Variants in EP300 observed in about 807,000 individuals in gnomAD.
EP300 encodes the protein histone acetyltransferase p300.
In EP300, 31 loss-of-function variants were observed where a neutral mutation model predicts 264.0. That is an observed-to-expected ratio of 0.12 (90% CI 0.09 to 0.16). EP300 has a LOEUF of 0.16. Ranked by LOEUF, EP300 falls within the 10% of genes least tolerant of loss-of-function variation. The pLI, the probability that EP300 is intolerant of heterozygous loss-of-function variation, is 1.00. For missense variants in EP300, 2,766 were observed against 3,052.9 expected, an observed-to-expected ratio of 0.91 and a Z score of 2.21; for synonymous variants, 1,340 against 1,045.4, an observed-to-expected ratio of 1.28 and a Z score of -5.44.
chr22:41,138,847 T>G (rs2058966669), intron 8 of EP300, among the ~76,000 whole-genome samples: 1 of 152,220 alleles, frequency 6.6e-6, no homozygotes, highest in African/African-American at 2.4e-5. Context: ...TTAATTTATT[T>G]TTATGTTATG....
chr22:41,160,750 GC>G, intron 20 of EP300, 28 bp downstream of exon 20: 1 of 1,599,596 alleles, frequency 6.3e-7, no homozygotes, highest in Non-Finnish European at 8.6e-7. Context: ...TTTGAAAAGT[GC>G]TAATTAGTTT....
At chr22:41,171,747 G>C (rs2059172059) in intron 27 of EP300, among the ~76,000 whole-genome samples, 2 of 151,756 alleles carry the variant, frequency 1.3e-5, no homozygotes, top group African/African-American at 2.4e-5. Flanking sequence ...GAGTAGCTGG[G>C]ATTACAGGCA....
At chr22:41,169,284 C>CACTGCTAGTTACTACAAATAGAAGGAA in intron 25 of EP300, 1 of 591,368 alleles carries the variant, frequency 1.7e-6, no homozygotes, top group African/African-American at 1.9e-5. Context: ...ATGTGCCAGG[C>CACTGCTAGTTACTACAAATAGAAGGAA]ACTGCTAGTT....
chr22:41,133,520 A>AT (rs1370781435), intron 6 of EP300, among the ~76,000 whole-genome samples: 2 of 152,036 alleles, frequency 1.3e-5, no homozygotes, highest in Non-Finnish European at 2.9e-5. Context: ...AGTACTTTAG[A>AT]TTTTTTTCGG....
chr22:41,147,813 C>CT, intron 11 of EP300, 24 bp from the exon 12 acceptor site: 1 of 1,456,560 alleles, frequency 6.9e-7, no homozygotes, highest in African/African-American at 1.4e-5. Flanking sequence ...GCATTCAGAT[C>CT]TAACATTTTG....
At chr22:41,093,164 C>G in intron 1 of EP300, 66 bp downstream of exon 1, 2 of 1,506,208 alleles carry the variant, frequency 1.3e-6, no homozygotes, top group South Asian at 1.1e-5. Flanking sequence ...CGCCTTTATT[C>G]TTCCATTTTT....
intron 1 of EP300, among the ~76,000 whole-genome samples, chr22:41,109,802 C>T (rs965319610): frequency 3.3e-5 from 5 of 149,600 alleles, no homozygotes; most frequent in Non-Finnish European, 5.9e-5. Context: ...AGGCCATGCT[C>T]CCCCAAGCAC....
At chr22:41,128,409 C>G (rs896412265) in intron 4 of EP300, among the ~76,000 whole-genome samples, 1 of 151,242 alleles carries the variant, frequency 6.6e-6, no homozygotes, top group Non-Finnish European at 1.5e-5. Flanking sequence ...TGGTGTGATT[C>G]GACATCATAC....
At position 41,150,112 on chromosome 22, in the gene EP300, C is replaced by G. The variant is rs747583900; in HGVS notation, c.2731C>G (p.Gln911Glu). Residue 911 changes from glutamine to glutamate, a missense_variant, in exon 14 of 31, where the codon CAG (glutamine) becomes GAG (glutamate). Physicochemically the swap from Gln to Glu is conservative, Grantham distance 29. Transcript: ENST00000263253. ...LPAAPSADQPQQQPRSQQSTA... is the reference protein window; with the variant it reads ...LPAAPSADQPEQQPRSQQSTA... ...TGCTGCACCTTCTGCTGACCAGCCC[C>G]AGCAGCAGCCTCGCTCACAGCAGAG... is the stretch of plus-strand genomic sequence containing the variant. 2 of 1,613,326 alleles carry G rather than the reference C, an allele frequency of 1.2e-6. No homozygotes were observed. The highest frequency in any genetic ancestry group is 1.7e-6 in the Non-Finnish European group (2 of 1,180,018).
chr22:41,127,582 G>A lies in EP300; in HGVS notation c.1002G>A (p.Lys334=), dbSNP rs974057189. The A allele has an allele frequency of 1.4e-5, 23 of 1,614,238 alleles. No homozygotes were observed. Among genetic ancestry groups the A allele is most frequent in the Non-Finnish European group, 1.9e-5 (23 of 1,180,042 alleles). The change falls in exon 4 of 31, where the codon AAG becomes AAA. Residue 334 remains lysine (K), a synonymous_variant. Coordinates refer to ENST00000263253, the MANE Select transcript of EP300 (RefSeq NM_001429.4). ...GSGAHTADPE[K]RKLIQQQLVL... is the part of the protein sequence containing the mutation. Reference sequence around the variant, plus strand: ...GAGCACATACAGCTGATCCAGAGAAGCGCAAGCTCATCCAGCAGCAGCTTG... The same window carrying A: ...GAGCACATACAGCTGATCCAGAGAAACGCAAGCTCATCCAGCAGCAGCTTG...
chr22:41,155,642 G>A (rs1466557410), intron 17 of EP300, among the ~76,000 whole-genome samples: 2 of 152,048 alleles, frequency 1.3e-5, no homozygotes, highest in Admixed American at 1.3e-4. Context: ...TTCTCCCATA[G>A]CACCCCAATC....
intron 1 of EP300, among the ~76,000 whole-genome samples, chr22:41,103,058 C>T (rs1424563795): frequency 1.3e-5 from 2 of 152,150 alleles, no homozygotes; most frequent in East Asian, 3.9e-4. Context: ...CCATGTTGAT[C>T]AGGCTGGTCT....
chr22:41,125,375 C>G (rs975618440), intron 2 of EP300, among the ~76,000 whole-genome samples: 1 of 151,796 alleles, frequency 6.6e-6, no homozygotes, highest in African/African-American at 2.4e-5. Context: ...GCTTCGGCCT[C>G]CCAAAGTGCT....
chr22:41,118,076 A>G (rs2058831543), intron 2 of EP300, among the ~76,000 whole-genome samples: 2 of 152,168 alleles, frequency 1.3e-5, no homozygotes, highest in Admixed American at 1.3e-4. Context: ...GAATGTTTTT[A>G]TCTCATTTCC....
Position 41,138,150 on chromosome 22 carries a change from C to T in EP300, c.1760+360C>T, listed in dbSNP as rs190465517. On this transcript the variant is annotated intron_variant, in intron 8 of 30. Transcript: ENST00000263253. ...GCATTGATAACATCCTTTTCTGTTA[C>T]TCCTGGTAGAGCAGGGGTTTTTTGT... Among the ~76,000 whole-genome samples the T allele has an allele frequency of 3.2e-4, 48 of 152,286 alleles. No homozygotes were observed. The East Asian group carries it at 8.1e-3, about 26-fold the overall frequency.
At chr22:41,155,626 A>G (rs2059072805) in intron 17 of EP300, among the ~76,000 whole-genome samples, 1 of 152,126 alleles carries the variant, frequency 6.6e-6, no homozygotes, top group African/African-American at 2.4e-5. Flanking sequence ...ACAGTCACTC[A>G]CTATTTTCTC....
intron 8 of EP300, among the ~76,000 whole-genome samples, chr22:41,139,380 C>CT (rs1256024431): frequency 1.3e-5 from 2 of 152,194 alleles, no homozygotes; most frequent in African/African-American, 4.8e-5. Flanking sequence ...TATTCAGGAA[C>CT]TTTTATTTAA....
At position 41,178,123 on chromosome 22, in the gene EP300, G is replaced by C; in HGVS notation, c.6412G>C (p.Ala2138Pro). 6.2e-7 allele frequency: 1 copy of C among 1,614,140 alleles called. No homozygotes were observed. The highest frequency in any genetic ancestry group is 1.1e-5 in the South Asian group (1 of 91,078). Residue 2138 changes from alanine (A) to proline (P), a missense_variant, in exon 31 of 31, where the codon GCG becomes CCG. Transcript: ENST00000263253. ...CATGCAGAACATGAATCCAATGCAG[G>C]CGGGCGTTCAGAGGGCTGGCCTGCC... ...PAMQNMNPMQ[A>P]GVQRAGLPQQ...
chr22:41,106,735 C>A (rs892675652), intron 1 of EP300, among the ~76,000 whole-genome samples: 12 of 150,906 alleles, frequency 8.0e-5, no homozygotes, highest in African/African-American at 2.9e-4. Context: ...CCACCTCAGC[C>A]TGTAGCTGCA....
Sources: gnomAD v4.1 joint callset for allele counts (sites outside exome capture counted in the v4.1 genomes callset) on GRCh38, gnomAD v4.1.1 for gene constraint, MANE v1.5 for transcripts, NCBI Gene and HGNC (gene_info 2026-07-23, HGNC 2026-07-21) for gene names.